The following ABTB2 variants were observed in gnomAD, a reference collection of about 807,000 sequenced individuals.
ABTB2 encodes the protein ankyrin repeat and BTB domain containing 2.
In ABTB2, 56 loss-of-function variants were observed where a neutral mutation model predicts 104.1. That is an observed-to-expected ratio of 0.54 (90% CI 0.43 to 0.67). ABTB2 has a LOEUF of 0.67. Ranked by LOEUF, ABTB2 falls within the 30% of genes least tolerant of loss-of-function variation. The pLI is 0.00. For missense variants in ABTB2, 1,279 were observed against 1,407.7 expected (o/e 0.91, Z 1.46); for synonymous variants, 606 against 608.2 (o/e 1.00, Z 0.05).
intron 1 of ABTB2, among the ~76,000 whole-genome samples, chr11:34,347,277 A>T (rs995510035): frequency 4.6e-5 from 7 of 152,116 alleles, no homozygotes; most frequent in African/African-American, 1.4e-4. Flanking sequence ...CTCTACTAAA[A>T]ATATGAAAAT....
intron 3 of ABTB2, among the ~76,000 whole-genome samples, chr11:34,182,388 G>C (rs1853038938): frequency 6.6e-6 from 1 of 151,350 alleles, no homozygotes; most frequent in Admixed American, 6.6e-5. Context: ...CGGACCCCCA[G>C]CCTCATCTCC....
Position 34,154,409 on chromosome 11 carries a change from C to A in ABTB2, c.2767-31G>T. The A allele has an allele frequency of 6.5e-7, 1 of 1,528,600 alleles. No homozygotes were observed. The highest frequency in any genetic ancestry group is 1.1e-5 in the South Asian group (1 of 87,848). 94.7% of individuals were successfully genotyped at this position (1,528,600 alleles called of 1,614,324 possible). ...AGGGAGGCAGAGCAGGTCTTGGGGA[C>A]CCATGGCCAGACCAGTGGCCCAGAC... is the stretch of plus-strand genomic sequence containing the variant. On this transcript the variant is annotated intron_variant, in intron 15 of 16. Transcript: ENST00000435224. The surrounding 1 kb of genome is among the most constrained non-coding windows in gnomAD (Gnocchi z 4.9).
At chr11:34,272,600 G>A (rs897104487) in intron 1 of ABTB2, among the ~76,000 whole-genome samples, 2 of 151,232 alleles carry the variant, frequency 1.3e-5, no homozygotes, top group African/African-American at 2.4e-5. Context: ...CCAGCTACTC[G>A]GGAGGCTGAG....
chr11:34,157,339 T>C (rs192422142), intron 14 of ABTB2, among the ~76,000 whole-genome samples: 2 of 152,326 alleles, frequency 1.3e-5, no homozygotes, highest in Admixed American at 1.3e-4. Flanking sequence ...GCTGTGGACC[T>C]GAAGCCTGTC....
chr11:34,256,386 T>A (rs191460193), intron 1 of ABTB2, among the ~76,000 whole-genome samples: 2 of 152,276 alleles, frequency 1.3e-5, no homozygotes, highest in African/African-American at 4.8e-5. Context: ...CTTGAAGGAA[T>A]ACTGCAGTAT....
chr11:34,273,949 G>A (rs1373813320), intron 1 of ABTB2, among the ~76,000 whole-genome samples: 3 of 151,308 alleles, frequency 2.0e-5, no homozygotes, highest in Admixed American at 1.3e-4. Context: ...TCAGGAGATC[G>A]AGACCATCCT....
intron 1 of ABTB2, among the ~76,000 whole-genome samples, chr11:34,217,504 C>T (rs1170480223): frequency 3.3e-5 from 5 of 152,170 alleles, no homozygotes; most frequent in Non-Finnish European, 5.9e-5. Flanking sequence ...CTCTGTCACC[C>T]AGGCTGGAGT....
intron 4 of ABTB2, among the ~76,000 whole-genome samples, chr11:34,172,443 TA>T (rs1852894710): frequency 2.0e-5 from 2 of 97,814 alleles, no homozygotes; most frequent in Non-Finnish European, 4.3e-5. Flanking sequence ...TGTATATAGA[TA>T]GATAGATAGA....
intron 2 of ABTB2, among the ~76,000 whole-genome samples, chr11:34,199,720 T>C (rs957039861): frequency 1.3e-5 from 2 of 152,192 alleles, no homozygotes; most frequent in African/African-American, 2.4e-5. Flanking sequence ...TACGTAGTTA[T>C]CAGAGCCTCA....
At chr11:34,305,030 A>G (rs1249047417) in intron 1 of ABTB2, among the ~76,000 whole-genome samples, 1 of 152,204 alleles carries the variant, frequency 6.6e-6, no homozygotes, top group Non-Finnish European at 1.5e-5. Flanking sequence ...CCTAATACCT[A>G]AGCAAGGTAA....
In ABTB2 at chr11:34,317,439, A is replaced by G. The variant is rs569244702; in HGVS notation, c.883+39262T>C. 3.9e-5 allele frequency among the ~76,000 whole-genome samples: 6 copies of G among 152,270 alleles called. No individual in the cohort carries two copies. In the East Asian group the frequency reaches 1.2e-3, roughly 29 times the overall value. ...ACTGCTCAATAAGGGGGCACTGGCAATGAGAGTGCGAAAACAGTAAGAGAA... is the reference window on the plus strand; with the variant it reads ...ACTGCTCAATAAGGGGGCACTGGCAGTGAGAGTGCGAAAACAGTAAGAGAA... On this transcript the variant is annotated intron_variant, in intron 1 of 16. Coordinates refer to ENST00000435224, the MANE Select transcript of ABTB2 (RefSeq NM_145804.3).
Position 34,335,748 on chromosome 11 carries a change from C to T in ABTB2, c.883+20953G>A, listed in dbSNP as rs931669921. On this transcript the variant is annotated intron_variant, in intron 1 of 16. Transcript: ENST00000435224. ...GCAGGCTTTTCTTCTGTGAAGCAGT[C>T]CCATTGAGGTGACAATCAAAACCTA... 5 of 1,394,550 alleles carry T rather than the reference C, an allele frequency of 3.6e-6. No individual in the cohort carries two copies. The African/African-American group carries it at 4.3e-5, about 12-fold the overall frequency. The allele number at this position is 1,394,550 out of a possible 1,614,324, so 86.4% of individuals were successfully genotyped here. A position where few individuals can be genotyped will look rare whatever the true frequency, so the allele number is the denominator to read the frequency against.
chr11:34,160,219 G>T, intron 12 of ABTB2, 29 bp downstream of exon 12: 1 of 1,555,612 alleles, frequency 6.4e-7, no homozygotes, highest in Non-Finnish European at 8.9e-7. Context: ...GACGTGTGGT[G>T]ATGCAGGGCG....
chr11:34,164,629 C>T, intron 9 of ABTB2, 57 bp downstream of exon 9: 3 of 1,401,928 alleles, frequency 2.1e-6, no homozygotes, highest in Non-Finnish European at 2.8e-6. Context: ...ACTGAGGCTC[C>T]TGTGAGCTTA....
At chr11:34,293,754 T>C (rs1854589556) in intron 1 of ABTB2, among the ~76,000 whole-genome samples, 1 of 152,074 alleles carries the variant, frequency 6.6e-6, no homozygotes, top group South Asian at 2.1e-4. Flanking sequence ...AGATGGAGTC[T>C]TCCTCTGTCG....
At chr11:34,314,311 C>T (rs1008520511) in intron 1 of ABTB2, among the ~76,000 whole-genome samples, 42 of 152,134 alleles carry the variant, frequency 2.8e-4, no homozygotes, top group African/African-American at 9.2e-4. Context: ...GCTTCTGCAA[C>T]CTGTTCACTA....
intron 1 of ABTB2, among the ~76,000 whole-genome samples, chr11:34,262,691 T>A (rs1854202099): frequency 6.6e-6 from 1 of 152,168 alleles, no homozygotes; most frequent in Non-Finnish European, 1.5e-5. Context: ...TAGAGCATTG[T>A]CCTAGCAAAG....
intron 3 of ABTB2, 142 bp downstream of exon 3, chr11:34,197,183 G>A: frequency 1.1e-6 from 1 of 921,022 alleles, no homozygotes; most frequent in Non-Finnish European, 1.7e-6. Flanking sequence ...CGGAATTCCT[G>A]GGCCACCTCC....
At chr11:34,233,712 A>T (rs1336625335) in intron 1 of ABTB2, among the ~76,000 whole-genome samples, 4 of 151,894 alleles carry the variant, frequency 2.6e-5, no homozygotes, top group Non-Finnish European at 5.9e-5. Context: ...GAAAGGAATA[A>T]TGAATAAAGT....
Sources: gnomAD v4.1 joint callset for allele counts (sites outside exome capture counted in the v4.1 genomes callset) on GRCh38, gnomAD v4.1.1 for gene constraint, Gnocchi (gnomAD v3.1) non-coding constraint, MANE v1.5 for transcripts, NCBI Gene and HGNC (gene_info 2026-07-23, HGNC 2026-07-21) for gene names.